The following RBPMS variants were observed in gnomAD, a reference collection of about 807,000 sequenced individuals.
The protein encoded by RBPMS is RNA binding protein, mRNA processing factor.
Under a neutral mutation model 26.8 loss-of-function variants are expected in RBPMS, and 7 were observed. The ratio of observed to expected loss-of-function variants is 0.26; its 90% CI spans 0.15 to 0.49. The LOEUF (loss-of-function observed/expected upper bound fraction) is 0.49. Among genes scored for constraint, RBPMS ranks in the 20% least tolerant of loss-of-function variants. RBPMS has a pLI of 0.98. For synonymous variants in RBPMS, 96 were observed against 93.3 expected, an observed-to-expected ratio of 1.03 and a Z score of -0.17; for missense variants, 186 against 250.0, an observed-to-expected ratio of 0.74 and a Z score of 1.73.
chr8:30,502,557 AGTT>A lies in RBPMS; in HGVS notation c.247-1727_247-1725del, dbSNP rs548465524. On this transcript the variant is annotated intron_variant, in intron 4 of 8. Transcript: ENST00000397323. ...TTTAGTGCCGGGGAGGACGTCCTGA[AGTT>A]GATGGCAAGTTGCTACTATGTGTGT... Among the ~76,000 whole-genome samples the A allele has an allele frequency of 4.5e-4, 69 of 152,304 alleles. 2 individuals are homozygous for A. The South Asian group carries it at 0.013, about 28-fold the overall frequency.
intron 5 of RBPMS, among the ~76,000 whole-genome samples, chr8:30,519,225 A>G (rs1822734329): frequency 6.6e-6 from 1 of 152,066 alleles, no homozygotes; most frequent in Admixed American, 6.6e-5. Context: ...TCCCTCTCAT[A>G]CTGGTAAATA....
chr8:30,489,463 TTTTC>T (rs897611372), intron 4 of RBPMS, among the ~76,000 whole-genome samples: 4 of 152,298 alleles, frequency 2.6e-5, no homozygotes, highest in Admixed American at 1.3e-4. Flanking sequence ...TTTTCTTTTC[TTTTC>T]TTTTTTTCGA....
At chr8:30,515,448 A>G (rs1317858148) in intron 5 of RBPMS, among the ~76,000 whole-genome samples, 1 of 152,206 alleles carries the variant, frequency 6.6e-6, no homozygotes, top group African/African-American at 2.4e-5. Flanking sequence ...AGCTAGATGC[A>G]TGTCTCTGTG....
intron 1 of RBPMS, among the ~76,000 whole-genome samples, chr8:30,417,143 T>A (rs1056227349): frequency 6.6e-6 from 1 of 152,222 alleles, no homozygotes; most frequent in Non-Finnish European, 1.5e-5. Context: ...TTTATTTTTT[T>A]AAGCTAGTTT....
At chr8:30,457,234 A>G (rs1815323718) in intron 1 of RBPMS, among the ~76,000 whole-genome samples, 2 of 152,194 alleles carry the variant, frequency 1.3e-5, no homozygotes, top group African/African-American at 4.8e-5. Flanking sequence ...GATGTTTGAA[A>G]TTCACAAAAT....
intron 6 of RBPMS, among the ~76,000 whole-genome samples, chr8:30,554,273 C>G (rs1826648049): frequency 6.6e-6 from 1 of 152,204 alleles, no homozygotes; most frequent in South Asian, 2.1e-4. Flanking sequence ...GCAAATGGCA[C>G]AGCCCAGCCT....
chr8:30,517,527 C>G (rs971475575), intron 5 of RBPMS, among the ~76,000 whole-genome samples: 1 of 152,138 alleles, frequency 6.6e-6, no homozygotes, highest in African/African-American at 2.4e-5. Context: ...TCAAGGAGAT[C>G]AAACTGGTCA....
intron 1 of RBPMS, among the ~76,000 whole-genome samples, chr8:30,470,226 A>G (rs1177626475): frequency 6.6e-6 from 1 of 152,132 alleles, no homozygotes. Context: ...TCTACTAAAA[A>G]TACAAAAATT....
chr8:30,553,614 C>T (rs117451584), intron 6 of RBPMS: 3,452 of 152,300 alleles, frequency 0.023, 57 homozygotes, highest in Non-Finnish European at 0.035. Context: ...TGCAGTTGCT[C>T]AGTGTTGGGA....
intron 4 of RBPMS, among the ~76,000 whole-genome samples, chr8:30,488,643 C>A (rs1819051164): frequency 6.6e-6 from 1 of 152,188 alleles, no homozygotes; most frequent in African/African-American, 2.4e-5. Context: ...ACCCTGTCCC[C>A]TTGATTTATC....
At chr8:30,556,808 C>G in intron 6 of RBPMS, 3 of 984,712 alleles carry the variant, frequency 3.0e-6, no homozygotes, top group Non-Finnish European at 3.6e-6. Context: ...GGTATGAGTT[C>G]TTTCTTCTCC....
intron 1 of RBPMS, among the ~76,000 whole-genome samples, chr8:30,473,315 C>T (rs148968887): frequency 5.8e-4 from 89 of 152,314 alleles, no homozygotes; most frequent in African/African-American, 2.0e-3. Flanking sequence ...GGTAAATGCC[C>T]ATCCTTTCGA....
At chr8:30,511,965 A>G (rs1821763621) in intron 5 of RBPMS, among the ~76,000 whole-genome samples, 1 of 152,218 alleles carries the variant, frequency 6.6e-6, no homozygotes, top group African/African-American at 2.4e-5. Context: ...TGGGAAAACT[A>G]AAACTAACAT....
chr8:30,424,370 G>T (rs1811123212), intron 1 of RBPMS, among the ~76,000 whole-genome samples: 1 of 152,182 alleles, frequency 6.6e-6, no homozygotes, highest in Admixed American at 6.5e-5. Context: ...AATGTAAATA[G>T]GTGCTCAACA....
intron 6 of RBPMS, chr8:30,547,491 A>G: frequency 1.3e-6 from 2 of 1,548,202 alleles, no homozygotes; most frequent in Non-Finnish European, 1.7e-6. Flanking sequence ...AGAGATTTCA[A>G]TAAAAATTTT....
At chr8:30,535,376 A>G (rs1824678480) in intron 5 of RBPMS, among the ~76,000 whole-genome samples, 1 of 152,232 alleles carries the variant, frequency 6.6e-6, no homozygotes, top group South Asian at 2.1e-4. Context: ...AATTTTTCGT[A>G]TAAGCAGTAG....
chr8:30,467,182 C>T (rs773701770), intron 1 of RBPMS, among the ~76,000 whole-genome samples: 8 of 152,144 alleles, frequency 5.3e-5, no homozygotes, highest in African/African-American at 1.9e-4. Context: ...TTCATGGTGG[C>T]AAGGCCTGAA....
chr8:30,460,720 C>A (rs1194855117), intron 1 of RBPMS, among the ~76,000 whole-genome samples: 1 of 152,020 alleles, frequency 6.6e-6, no homozygotes, highest in Non-Finnish European at 1.5e-5. Context: ...TTTAAAGGGT[C>A]GTGTTTATTT....
At chr8:30,479,826 T>G (rs916048748) in intron 4 of RBPMS, among the ~76,000 whole-genome samples, 1 of 150,128 alleles carries the variant, frequency 6.7e-6, no homozygotes, top group Non-Finnish European at 1.5e-5. Context: ...AAAAAAAAAC[T>G]GGTTATAGCC....
Sources: gnomAD v4.1 joint callset for allele counts (sites outside exome capture counted in the v4.1 genomes callset) on GRCh38, gnomAD v4.1.1 for gene constraint, MANE v1.5 for transcripts, NCBI Gene and HGNC (gene_info 2026-07-23, HGNC 2026-07-21) for gene names.